AGBL4: variants seen among roughly 807,000 people sequenced by gnomAD.
AGBL4 encodes the protein AGBL carboxypeptidase 4.
A neutral mutation model predicts 66.4 loss-of-function variants in AGBL4; 58 were observed. That is an observed-to-expected ratio of 0.87 (90% CI 0.71 to 1.09). The LOEUF is 1.09. AGBL4 is among the 50% of genes least tolerant of loss of function. AGBL4 has a pLI of 0.00. For missense variants in AGBL4, 579 were observed against 631.0 expected, an observed-to-expected ratio of 0.92 and a Z score of 0.88; for synonymous variants, 234 against 222.9, an observed-to-expected ratio of 1.05 and a Z score of -0.44.
chr1:49,444,719 A>C (rs1646114082), intron 3 of AGBL4, among the ~76,000 whole-genome samples: 1 of 151,994 alleles, frequency 6.6e-6, no homozygotes, highest in Admixed American at 6.6e-5. Context: ...CAGGTTTTAT[A>C]ATCCATCCAG....
intron 11 of AGBL4, among the ~76,000 whole-genome samples, chr1:48,565,014 C>T (rs1386050003): frequency 6.6e-6 from 1 of 152,210 alleles, no homozygotes; most frequent in Non-Finnish European, 1.5e-5. Flanking sequence ...CCCCTTTGGA[C>T]CTCACAGGGA....
At chr1:49,887,177 GTA>G (rs71059563) in intron 1 of AGBL4, among the ~76,000 whole-genome samples, 77,922 of 144,502 alleles carry the variant, frequency 0.54, 21,969 homozygotes, top group Non-Finnish European at 0.62. Flanking sequence ...TATATACATT[GTA>G]TATATATATA....
At chr1:49,731,080 A>C (rs1246559032) in intron 2 of AGBL4, among the ~76,000 whole-genome samples, 1 of 152,088 alleles carries the variant, frequency 6.6e-6, no homozygotes, top group East Asian at 1.9e-4. Context: ...ACACAGATGA[A>C]AGACAGAAAG....
chr1:48,996,257 G>A (rs1400855371), intron 5 of AGBL4, among the ~76,000 whole-genome samples: 3 of 152,146 alleles, frequency 2.0e-5, no homozygotes, highest in Non-Finnish European at 4.4e-5. Flanking sequence ...CTAGAGTTCA[G>A]GAGAAGTTAA....
At chr1:49,166,995 T>C (rs1646647433) in intron 4 of AGBL4, among the ~76,000 whole-genome samples, 1 of 152,208 alleles carries the variant, frequency 6.6e-6, no homozygotes, top group Non-Finnish European at 1.5e-5. Context: ...ACAGTCTAGA[T>C]GACCACACCC....
intron 1 of AGBL4, among the ~76,000 whole-genome samples, chr1:49,868,285 T>G (rs1028743271): frequency 6.6e-6 from 1 of 152,010 alleles, no homozygotes; most frequent in African/African-American, 2.4e-5. Flanking sequence ...ACTTTAAAAT[T>G]CACATGGAAC....
intron 3 of AGBL4, among the ~76,000 whole-genome samples, chr1:49,315,504 G>A (rs1645024024): frequency 6.6e-6 from 1 of 151,932 alleles, no homozygotes; most frequent in Admixed American, 6.6e-5. Context: ...ATCTGACAAA[G>A]GGCTAATATC....
intron 2 of AGBL4, among the ~76,000 whole-genome samples, chr1:49,793,397 C>T (rs886772842): frequency 3.9e-5 from 6 of 151,994 alleles, no homozygotes; most frequent in African/African-American, 1.4e-4. Context: ...TCTTTGAGCA[C>T]ACCAGGGTAC....
At chr1:49,772,697 T>C (rs938348078) in intron 2 of AGBL4, among the ~76,000 whole-genome samples, 3 of 152,184 alleles carry the variant, frequency 2.0e-5, no homozygotes, top group Non-Finnish European at 2.9e-5. Context: ...GCTAGCAAGG[T>C]TTCTGCTGAG....
At chr1:49,801,848 T>C (rs1644868714) in intron 2 of AGBL4, among the ~76,000 whole-genome samples, 1 of 152,202 alleles carries the variant, frequency 6.6e-6, no homozygotes, top group Non-Finnish European at 1.5e-5. Context: ...TCTCTTCAAG[T>C]GGCCTGCACA....
chr1:49,456,515 C>T (rs1215095550), intron 3 of AGBL4, among the ~76,000 whole-genome samples: 1 of 151,736 alleles, frequency 6.6e-6, no homozygotes, highest in South Asian at 2.1e-4. Flanking sequence ...TCAGTTATTA[C>T]ATTATAAGTA....
intron 4 of AGBL4, among the ~76,000 whole-genome samples, chr1:49,231,342 A>C (rs1650292802): frequency 6.6e-6 from 1 of 152,186 alleles, no homozygotes; most frequent in African/African-American, 2.4e-5. Flanking sequence ...ATTCTCTATA[A>C]TAATTAAGCG....
chr1:49,725,682 G>GTTTTTTTTTT (rs58294452), intron 2 of AGBL4, among the ~76,000 whole-genome samples: 2 of 119,064 alleles, frequency 1.7e-5, no homozygotes, highest in African/African-American at 6.7e-5. Context: ...TCCTTTGTGG[G>GTTTTTTTTTT]TTTTTTTTTT....
intron 3 of AGBL4, among the ~76,000 whole-genome samples, chr1:49,686,793 T>C (rs1416195787): frequency 1.3e-5 from 2 of 152,216 alleles, no homozygotes; most frequent in Non-Finnish European, 1.5e-5. Flanking sequence ...GTTTTGTGTA[T>C]ATTATCTCAG....
chr1:49,228,567 G>A (rs968259611), intron 4 of AGBL4, among the ~76,000 whole-genome samples: 1 of 152,216 alleles, frequency 6.6e-6, no homozygotes, highest in Non-Finnish European at 1.5e-5. Context: ...CCAGTGCAAA[G>A]GCCATAAGGC....
intron 5 of AGBL4, among the ~76,000 whole-genome samples, chr1:48,990,122 C>T (rs972535571): frequency 5.9e-5 from 9 of 152,178 alleles, no homozygotes; most frequent in African/African-American, 2.2e-4. Flanking sequence ...TTGCATTTCT[C>T]TAATAATCAA....
chr1:49,099,315 TA>T (rs1209870389), intron 4 of AGBL4, among the ~76,000 whole-genome samples: 1 of 152,134 alleles, frequency 6.6e-6, no homozygotes, highest in Non-Finnish European at 1.5e-5. Context: ...CTGAAAATAA[TA>T]TTAGCATATG....
At chr1:49,074,206 C>T (rs983492580) in intron 4 of AGBL4, among the ~76,000 whole-genome samples, 10 of 152,186 alleles carry the variant, frequency 6.6e-5, no homozygotes, top group East Asian at 3.9e-4. Context: ...AGCCAGGCAC[C>T]GGAGGGAATC....
intron 6 of AGBL4, among the ~76,000 whole-genome samples, chr1:48,671,528 T>C (rs909238881): frequency 1.3e-5 from 2 of 152,232 alleles, no homozygotes; most frequent in Admixed American, 6.5e-5. Flanking sequence ...CTTTGAGCTC[T>C]AGGATCTTTC....
Sources: allele counts gnomAD v4.1 joint callset (sites outside exome capture counted in the v4.1 genomes callset), GRCh38; gene constraint gnomAD v4.1.1; transcripts MANE v1.5; gene names NCBI Gene and HGNC (gene_info 2026-07-23, HGNC 2026-07-21).